Variants in TCF7L2 observed in about 807,000 individuals in gnomAD.
TCF7L2 encodes the protein transcription factor 7-like 2.
Under a neutral mutation model 77.9 loss-of-function variants are expected in TCF7L2, and 23 were observed. The observed-to-expected ratio is 0.30, with a 90% CI of 0.21 to 0.42. The LOEUF (loss-of-function observed/expected upper bound fraction) is 0.42. Ranked by LOEUF, TCF7L2 falls within the 10% of genes least tolerant of loss-of-function variation. The pLI is 1.00. For synonymous variants in TCF7L2, 413 were observed against 340.2 expected (o/e 1.21, Z -2.36); for missense variants, 654 against 793.1 (o/e 0.82, Z 2.11).
chr10:113,101,545 A>G (rs10885414), intron 5 of TCF7L2, among the ~76,000 whole-genome samples: 35,106 of 151,618 alleles, frequency 0.23, 4,977 homozygotes, highest in Non-Finnish European at 0.3. Flanking sequence ...CTTGCCTCTT[A>G]AAAAAAGAAG....
intron 5 of TCF7L2, chr10:113,089,466 G>T (rs777484997): frequency 1.2e-6 from 2 of 1,613,806 alleles, no homozygotes; most frequent in Non-Finnish European, 1.7e-6. Flanking sequence ...AGACTTCACT[G>T]TCAGCACTCA....
chr10:113,124,193 TA>T (rs66808559), intron 5 of TCF7L2, among the ~76,000 whole-genome samples: 71,318 of 132,914 alleles, frequency 0.54, 20,309 homozygotes, highest in African/African-American at 0.82. Flanking sequence ...GTAGAAACCT[TA>T]AAAAAAATTT....
intron 5 of TCF7L2, among the ~76,000 whole-genome samples, chr10:113,130,506 T>C (rs2066413443): frequency 6.6e-6 from 1 of 152,250 alleles, no homozygotes; most frequent in Admixed American, 6.5e-5. Context: ...TATTTAATGC[T>C]AACTTTCTGT....
intron 4 of TCF7L2, among the ~76,000 whole-genome samples, chr10:112,999,443 T>TC (rs2044088735): frequency 1.3e-5 from 2 of 152,322 alleles, no homozygotes; most frequent in South Asian, 4.1e-4. Flanking sequence ...TAGTATCTTG[T>TC]CTTAGCTTGG....
At chr10:113,065,342 C>T (rs1407607301) in intron 5 of TCF7L2, among the ~76,000 whole-genome samples, 3 of 152,228 alleles carry the variant, frequency 2.0e-5, no homozygotes, top group African/African-American at 7.2e-5. Context: ...GACCAGAAGA[C>T]ATTCATAGAT....
At chr10:112,993,053 G>A (rs182354574) in intron 4 of TCF7L2, among the ~76,000 whole-genome samples, 11 of 151,186 alleles carry the variant, frequency 7.3e-5, no homozygotes, top group Non-Finnish European at 1.5e-4. Context: ...GTGAGCCACC[G>A]CACCCGGCCA....
Position 112,950,795 on chromosome 10 carries a change from C to T in TCF7L2, c.39C>T (p.Gly13=), listed in dbSNP as rs1408409202. The stretch of plus-strand genomic sequence containing the variant: ...ACGGCGGTGGAGGGGATGACCTAGG[C>T]GCCAACGACGAACTGATTTCCTTCA... The change falls in exon 1 of 14, where the codon GGC becomes GGT. Residue 13 remains glycine (G), a synonymous_variant. Coordinates refer to ENST00000627217, the MANE Select transcript of TCF7L2 (RefSeq NM_001146274.2). 5 of 1,588,606 alleles carry T rather than the reference C, an allele frequency of 3.1e-6. No individual in the cohort carries two copies. Among genetic ancestry groups the T allele is most frequent in the Non-Finnish European group, 4.3e-6 (5 of 1,165,930 alleles).
chr10:113,073,099 C>CGTGTGTGTGTGTGT lies in TCF7L2; in HGVS notation c.552+32991_552+33004dup, dbSNP rs71489997. ...ATGTGTACCTAGGGCAGGGCCAGGT[C>CGTGTGTGTGTGTGT]GTGTGTGTGTGTGTGTGTGTGTGTG... On this transcript the variant is annotated intron_variant, in intron 5 of 13. Transcript: ENST00000627217. 9.5e-3 allele frequency among the ~76,000 whole-genome samples: 985 copies of CGTGTGTGTGTGTGT among 103,906 alleles called. 13 individuals are homozygous for CGTGTGTGTGTGTGT. Among genetic ancestry groups the CGTGTGTGTGTGTGT allele is most frequent in the African/African-American group, 0.035 (795 of 23,038 alleles). The allele number at this position is 103,906 out of a possible 152,430, so 68.2% of individuals were successfully genotyped here.
At chr10:112,979,551 G>C (rs534505279) in intron 4 of TCF7L2, among the ~76,000 whole-genome samples, 1 of 152,226 alleles carries the variant, frequency 6.6e-6, no homozygotes, top group African/African-American at 2.4e-5. Context: ...GAGGTCAGGA[G>C]TTCGAGATCA....
intron 5 of TCF7L2, among the ~76,000 whole-genome samples, chr10:113,063,958 A>G (rs1374512679): frequency 6.6e-6 from 1 of 151,282 alleles, no homozygotes; most frequent in Non-Finnish European, 1.5e-5. Context: ...TCGTCATCCA[A>G]GCAGATTCAA....
At chr10:113,153,147 C>A (rs1380731418) in intron 11 of TCF7L2, among the ~76,000 whole-genome samples, 1 of 152,176 alleles carries the variant, frequency 6.6e-6, no homozygotes, top group Admixed American at 6.5e-5. Flanking sequence ...TAGGAAACAC[C>A]ATGGGATGAT....
intron 4 of TCF7L2, among the ~76,000 whole-genome samples, chr10:113,029,552 A>T (rs2049843779): frequency 7.0e-6 from 1 of 142,450 alleles, no homozygotes; most frequent in Non-Finnish European, 1.5e-5. Flanking sequence ...TTGAGATGGA[A>T]TTTCGCTTTT....
intron 13 of TCF7L2, among the ~76,000 whole-genome samples, chr10:113,161,022 C>T (rs184468823): frequency 4.9e-4 from 74 of 152,228 alleles, no homozygotes; most frequent in African/African-American, 1.6e-3. Flanking sequence ...CTTGGTGGCC[C>T]GGGTACTGAG....
chr10:112,974,667 A>G (rs1444485382), intron 4 of TCF7L2, among the ~76,000 whole-genome samples: 1 of 150,936 alleles, frequency 6.6e-6, no homozygotes, highest in Non-Finnish European at 1.5e-5. Flanking sequence ...CTGGTCTTGA[A>G]CTCCTGACCT....
At chr10:113,090,672 G>T (rs534220134) in intron 5 of TCF7L2, among the ~76,000 whole-genome samples, 3 of 152,122 alleles carry the variant, frequency 2.0e-5, no homozygotes, top group Non-Finnish European at 4.4e-5. Context: ...GTGCAGTGGC[G>T]CAATCTCAGC....
At chr10:113,104,639 A>G (rs2062047311) in intron 5 of TCF7L2, among the ~76,000 whole-genome samples, 1 of 152,192 alleles carries the variant, frequency 6.6e-6, no homozygotes, top group Non-Finnish European at 1.5e-5. Flanking sequence ...AGATGGCCTA[A>G]AATACATATG....
intron 5 of TCF7L2, among the ~76,000 whole-genome samples, chr10:113,065,589 A>T (rs1201893023): frequency 2.6e-5 from 4 of 152,146 alleles, no homozygotes; most frequent in African/African-American, 7.2e-5. Context: ...AAGAATCGGG[A>T]TAACTGGGGC....
chr10:112,957,483 T>C (rs2033969217), intron 3 of TCF7L2, among the ~76,000 whole-genome samples: 1 of 152,000 alleles, frequency 6.6e-6, no homozygotes, highest in Admixed American at 6.6e-5. Flanking sequence ...TTGTGAAAAA[T>C]GTACTGGTAT....
intron 4 of TCF7L2, among the ~76,000 whole-genome samples, chr10:112,977,095 T>G (rs1052624575): frequency 6.6e-6 from 1 of 152,176 alleles, no homozygotes; most frequent in African/African-American, 2.4e-5. Flanking sequence ...AAACAAGATG[T>G]TTTCCTAATT....
Sources: allele counts gnomAD v4.1 joint callset (sites outside exome capture counted in the v4.1 genomes callset), GRCh38; gene constraint gnomAD v4.1.1; transcripts MANE v1.5; gene names NCBI Gene and HGNC (gene_info 2026-07-23, HGNC 2026-07-21).